Variants in CORO1B observed in about 807,000 individuals in gnomAD.
The protein encoded by CORO1B is coronin-1B.
In CORO1B, 30 loss-of-function variants were observed where a neutral mutation model predicts 51.1. The ratio of observed to expected loss-of-function variants is 0.59; its 90% CI spans 0.44 to 0.80. The LOEUF is 0.80. Ranked by LOEUF, CORO1B falls within the 30% of genes least tolerant of loss-of-function variation. The pLI, the probability that CORO1B is intolerant of heterozygous loss-of-function variation, is 0.00. For synonymous variants in CORO1B, 310 were observed against 289.7 expected (o/e 1.07, Z -0.71); for missense variants, 648 against 700.4 (o/e 0.93, Z 0.84).
rs772178115 is a variant in CORO1B, at chr11:67,442,025, C to T, written c.265G>A (p.Asp89Asn). Residue 89 changes from aspartate to asparagine, a missense_variant, in exon 3 of 11, where the codon GAC becomes AAC. Coordinates refer to ENST00000341356, the MANE Select transcript of CORO1B (RefSeq NM_020441.3). ...ACTTCGTCGTTGTGAGGACACCAGT[C>T]GATGTCCAGGACAGGTCCCGTGTGC... ...CGHTGPVLDIDWCPHNDEVIA... is the reference protein window; with the variant it reads ...CGHTGPVLDINWCPHNDEVIA... 8.7e-6 allele frequency: 14 copies of T among 1,613,026 alleles called. No individual in the cohort carries two copies. Among genetic ancestry groups the T allele is most frequent in the African/African-American group, 6.7e-5 (5 of 74,912 alleles).
Position 67,440,456 on chromosome 11 carries a change from AG to A in CORO1B, c.757-18del. ...GAGGTTTTCCTGGCACATTGCAGGC[AG>A]TCAGGCCAAGCAGAACCTCCTCACC... On this transcript the variant is annotated intron_variant, in intron 6 of 10. Transcript: ENST00000341356. 6.2e-7 allele frequency: 1 copy of A among 1,611,792 alleles called. No homozygotes were observed. Among genetic ancestry groups the A allele is most frequent in the South Asian group, 1.1e-5 (1 of 90,966 alleles).
upstream of CORO1B, chr11:67,443,578 C>T (rs1009852392): frequency 5.7e-6 from 4 of 704,362 alleles, no homozygotes; most frequent in African/African-American, 7.8e-5. Flanking sequence ...GGGCGGGAGG[C>T]TGAGCGGCGC....
intron 2 of CORO1B, 84 bp from the exon 3 acceptor site, chr11:67,442,172 C>T (rs924629320): frequency 3.7e-5 from 58 of 1,569,038 alleles, no homozygotes; most frequent in African/African-American, 8.1e-5. Flanking sequence ...ATGACATGCA[C>T]GTCCCGGCTC....
chr11:67,442,513 G>A lies in CORO1B; in HGVS notation c.116C>T (p.Thr39Ile), dbSNP rs1864419434. The A allele has an allele frequency of 6.2e-7, 1 of 1,613,702 alleles. No homozygotes were observed. The highest frequency in any genetic ancestry group is 2.2e-5 in the East Asian group (1 of 44,878). The change falls in exon 2 of 11, where the codon ACC becomes ATC. Residue 39 changes from threonine (T) to isoleucine (I), a missense_variant. Coordinates refer to ENST00000341356, the MANE Select transcript of CORO1B (RefSeq NM_020441.3). Reference protein sequence around the residue: ...IRVSRVTWDSTFCAVNPKFLA... With the variant: ...IRVSRVTWDSIFCAVNPKFLA... ...GAACTTGGGGTTGACGGCGCAGAAG[G>A]TGCTGTCCCAGGTAACACGGGACAC...
rs1864328151 is a variant in CORO1B, at chr11:67,438,343, CGGA to C, written c.*30_*32del. ...CAGAAGCTGAGTGGGAAGGGGGCGG[CGGA>C]GGAGATGAAGGTGGCGTGTGGCTGT... On this transcript the variant is annotated 3_prime_UTR_variant, in exon 11 of 11. Coordinates refer to ENST00000341356, the MANE Select transcript of CORO1B (RefSeq NM_020441.3). The C allele has an allele frequency of 1.9e-6, 3 of 1,570,494 alleles. No individual in the cohort carries two copies. The highest frequency in any genetic ancestry group is 1.1e-5 in the South Asian group (1 of 87,588).
rs752869875 is a variant in CORO1B at position 67,442,058 on chromosome 11, C to A, written c.232G>T (p.Val78Leu). 1.9e-6 allele frequency: 3 copies of A among 1,612,962 alleles called. No individual in the cohort carries two copies. The Admixed American group carries it at 5.0e-5, about 27-fold the overall frequency. Residue 78 changes from valine (V) to leucine (L), a missense_variant, in exon 3 of 11, where the codon GTG (valine) becomes TTG (leucine). Val to Leu is a conservative substitution (Grantham distance 32). Transcript: ENST00000341356. ...TGRIDKAYPTVCGHTGPVLDI... is the reference protein window; with the variant it reads ...TGRIDKAYPTLCGHTGPVLDI... ...AGGACAGGTCCCGTGTGCCCACACA[C>A]CGTCGGGTAGGCCTTGTCAATGCGG...
At chr11:67,440,463 C>A in intron 6 of CORO1B, 24 bp from the exon 7 acceptor site, 1 of 1,606,104 alleles carries the variant, frequency 6.2e-7, no homozygotes, top group African/African-American at 1.3e-5. Context: ...GGCAGTCAGG[C>A]CAAGCAGAAC....
intron 6 of CORO1B, chr11:67,440,875 G>T: frequency 1.5e-6 from 1 of 657,942 alleles, no homozygotes; most frequent in South Asian, 1.7e-5. Flanking sequence ...GCAAGGGAGA[G>T]AAGGGCCCTT....
chr11:67,440,614 C>T, intron 6 of CORO1B, 175 bp from the exon 7 acceptor site: 1 of 709,468 alleles, frequency 1.4e-6, no homozygotes, highest in Non-Finnish European at 2.5e-6. Context: ...GCCCTCCTGG[C>T]TTCACTTTAT....
Position 67,437,735 on chromosome 11 carries a change from C to T in CORO1B, c.*641G>A. 1 of 1,147,302 alleles carries T rather than the reference C, an allele frequency of 8.7e-7. No individual in the cohort carries two copies. The allele number at this position is 1,147,302 out of a possible 1,614,324, so 71.1% of individuals were successfully genotyped here. The stretch of plus-strand genomic sequence containing the variant: ...GTGGCCCAGGCTTCCGCTTCCTGCC[C>T]ACATACCCCACCTGCCCCTCCCTGC... On this transcript the variant is annotated 3_prime_UTR_variant, in exon 11 of 11. Transcript: ENST00000341356.
chr11:67,438,790 G>A lies in CORO1B; in HGVS notation c.1225C>T (p.Arg409Cys), dbSNP rs749475319. The change falls in exon 10 of 11, where the codon CGC becomes TGC. Residue 409 changes from arginine (R) to cysteine (C), a missense_variant. Coordinates refer to ENST00000341356, the MANE Select transcript of CORO1B (RefSeq NM_020441.3). ...SKQRDLKISR[R>C]NVLSDSRPAM... ...GGCCGGCTGTCAGACAACACGTTGC[G>A]CCGGCTGATCTTCAGGTCCCGCTGC... The A allele has an allele frequency of 8.4e-5, 135 of 1,599,896 alleles. No homozygotes were observed. The highest frequency in any genetic ancestry group is 3.8e-4 in the East Asian group (17 of 44,414).
Position 67,438,813 on chromosome 11 carries a change from T to TGCTTGCTGG in CORO1B, c.1193_1201dup (p.Pro398_Lys400dup), listed in dbSNP as rs1295862403. 1 of 1,607,768 alleles carries TGCTTGCTGG rather than the reference T, an allele frequency of 6.2e-7. No individual in the cohort carries two copies. The highest frequency in any genetic ancestry group is 1.7e-5 in the Admixed American group (1 of 59,566). Reference sequence around the variant, plus strand: ...GCGCCGGCTGATCTTCAGGTCCCGCTGCTTGCTGGGCACGTAGGCCTCCCG... The same window carrying TGCTTGCTGG: ...GCGCCGGCTGATCTTCAGGTCCCGCTGCTTGCTGGGCTTGCTGGGCACGTAGGCCTCCCG... On this transcript the variant is annotated inframe_insertion, in exon 10 of 11. Transcript: ENST00000341356.
chr11:67,438,208 A>G lies in CORO1B; in HGVS notation c.*168T>C. On this transcript the variant is annotated 3_prime_UTR_variant, in exon 11 of 11. Transcript: ENST00000341356. ...GACATCCTCCACAGGAACAGTGAGG[A>G]AAGCTGGGCGCTGGCTTCGGCCTGG... The G allele has an allele frequency of 2.5e-6, 2 of 804,918 alleles. No homozygotes were observed. Among genetic ancestry groups the G allele is most frequent in the Non-Finnish European group, 3.8e-6 (2 of 529,638 alleles). The allele number at this position is 804,918 out of a possible 1,614,324, so 49.9% of individuals were successfully genotyped here.
rs998937344 is a variant in CORO1B at position 67,436,437 on chromosome 11, GT to G, written c.*1938del. The G allele has an allele frequency of 6.5e-6, 9 of 1,386,936 alleles. No individual in the cohort carries two copies. The highest frequency in any genetic ancestry group is 4.4e-5 in the African/African-American group (3 of 67,814). The allele number at this position is 1,386,936 out of a possible 1,614,324, so 85.9% of individuals were successfully genotyped here. The stretch of plus-strand genomic sequence containing the variant: ...AGGCTGGGTGACCAAGACCACTTTC[GT>G]TTTTTTCTCTTTGGGATCCTCTTGG... On this transcript the variant is annotated 3_prime_UTR_variant, in exon 11 of 11. Transcript: ENST00000341356.
At position 67,438,062 on chromosome 11, in the gene CORO1B, G is replaced by T. The variant is rs1035107116; in HGVS notation, c.*314C>A. On this transcript the variant is annotated 3_prime_UTR_variant, in exon 11 of 11. Transcript: ENST00000341356. ...CAGGTCAGCCTGGCTTTTAGAAAGA[G>T]AATTTTATTTGGAATGAAAATATAG... The T allele has an allele frequency of 1.1e-5, 4 of 369,378 alleles. No homozygotes were observed. The highest frequency in any genetic ancestry group is 6.2e-5 in the African/African-American group (3 of 48,190). The allele number at this position is 369,378 out of a possible 1,614,324, so 22.9% of individuals were successfully genotyped here.
Position 67,438,727 on chromosome 11 carries a change from C to T in CORO1B, c.1288G>A (p.Ala430Thr), listed in dbSNP as rs574741792. 1.6e-4 allele frequency: 249 copies of T among 1,545,722 alleles called. No individual in the cohort carries two copies. The highest frequency in any genetic ancestry group is 1.3e-3 in the Middle Eastern group (6 of 4,722). The change falls in exon 10 of 11, where the codon GCC (alanine) becomes ACC (threonine). Residue 430 changes from alanine (A) to threonine (T), a missense_variant. Physicochemically the swap from Ala to Thr is moderately conservative, Grantham distance 58. Coordinates refer to ENST00000341356, the MANE Select transcript of CORO1B (RefSeq NM_020441.3). ...APGSSHLGAP[A>T]STTTAADATP... ...GCATCAGCAGCAGTGGTGGTGGAGG[C>T]GGGGGCCCCTAGGTGGGAGGAGCCC...
upstream of CORO1B, chr11:67,443,567 T>G (rs1353339396): frequency 2.0e-5 from 14 of 693,960 alleles, no homozygotes; most frequent in Non-Finnish European, 2.5e-5. Context: ...GCGGAGGGGC[T>G]GGGCGGGAGG....
rs1864280890 is a variant in CORO1B, at chr11:67,436,404, T to G, written c.*1972A>C. On this transcript the variant is annotated 3_prime_UTR_variant, in exon 11 of 11. Coordinates refer to ENST00000341356, the MANE Select transcript of CORO1B (RefSeq NM_020441.3). ...GCTCAGCACCTGGGGTGGGGCCTGG[T>G]GTGGGGCAGGCTGGGTGACCAAGAC... 4.2e-6 allele frequency: 6 copies of G among 1,423,416 alleles called. No individual in the cohort carries two copies. Among genetic ancestry groups the G allele is most frequent in the Admixed American group, 6.0e-5 (2 of 33,204 alleles). 88.2% of individuals were successfully genotyped at this position (1,423,416 alleles called of 1,614,324 possible).
At position 67,440,334 on chromosome 11, in the gene CORO1B, C is replaced by T; in HGVS notation, c.861+1G>A. On this transcript the variant is annotated splice_donor_variant, in intron 7 of 10. Coordinates refer to ENST00000341356, the MANE Select transcript of CORO1B (RefSeq NM_020441.3). LOFTEE classifies it high-confidence loss of function. The stretch of plus-strand genomic sequence containing the variant: ...CCCTCGCCAGCCCTGCCCAGCCCCA[C>T]CTTGCCGCAGACGTAGACCACACTG... 1 of 1,613,572 alleles carries T rather than the reference C, an allele frequency of 6.2e-7. No homozygotes were observed. Among genetic ancestry groups the T allele is most frequent in the Non-Finnish European group, 8.5e-7 (1 of 1,179,814 alleles).
Sources: gnomAD v4.1 joint callset for allele counts on GRCh38, gnomAD v4.1.1 for gene constraint, MANE v1.5 for transcripts, NCBI Gene and HGNC (gene_info 2026-07-23, HGNC 2026-07-21) for gene names.